The following MAP1B variants were observed in gnomAD, a reference collection of about 807,000 sequenced individuals.
The protein encoded by MAP1B is microtubule-associated protein 1B.
MAP1B carries 12 observed loss-of-function variants against 176.1 expected under a neutral mutation model. The ratio of observed to expected loss-of-function variants is 0.07; its 90% CI spans 0.04 to 0.11. MAP1B has a LOEUF of 0.11. MAP1B is among the 10% of genes least tolerant of loss of function. The probability of loss-of-function intolerance (pLI) is 1.00; values close to 1 mark genes in which losing one functional copy is unlikely to be tolerated. For synonymous variants in MAP1B, 1,044 were observed against 1,135.0 expected, an observed-to-expected ratio of 0.92 and a Z score of 1.61; for missense variants, 2,523 against 2,990.5, an observed-to-expected ratio of 0.84 and a Z score of 3.65.
chr5:72,173,031 C>T (rs1746576882), intron 2 of MAP1B, among the ~76,000 whole-genome samples: 1 of 152,206 alleles, frequency 6.6e-6, no homozygotes, highest in Non-Finnish European at 1.5e-5. Context: ...CCCAGTTCCG[C>T]TACTAACTAA....
intron 2 of MAP1B, chr5:72,116,508 T>C: frequency 2.6e-6 from 1 of 384,952 alleles, no homozygotes; most frequent in African/African-American, 2.1e-5. Context: ...CCAGCCACCT[T>C]CCTGGGGCTA....
chr5:72,115,839 A>G (rs774749615), intron 2 of MAP1B, 40 bp downstream of exon 2: 1 of 1,398,512 alleles, frequency 7.2e-7, no homozygotes. Context: ...TAGAATTCCA[A>G]AGGACAAGGA....
At chr5:72,175,894 C>T (rs1308547310) in intron 2 of MAP1B, among the ~76,000 whole-genome samples, 1 of 152,220 alleles carries the variant, frequency 6.6e-6, no homozygotes, top group Non-Finnish European at 1.5e-5. Context: ...TGTTGTCTAA[C>T]TCACAAGCAA....
At chr5:72,146,647 G>A (rs999595106) in intron 2 of MAP1B, among the ~76,000 whole-genome samples, 1 of 152,194 alleles carries the variant, frequency 6.6e-6, no homozygotes, top group Non-Finnish European at 1.5e-5. Flanking sequence ...CACACAGCCA[G>A]TGAGTAATGG....
At chr5:72,129,832 C>G (rs1745697551) in intron 2 of MAP1B, among the ~76,000 whole-genome samples, 1 of 152,174 alleles carries the variant, frequency 6.6e-6, no homozygotes, top group South Asian at 2.1e-4. Flanking sequence ...TTTAAAGAAG[C>G]ATTACATTAT....
chr5:72,131,371 G>A (rs1386494488), intron 2 of MAP1B, among the ~76,000 whole-genome samples: 1 of 151,776 alleles, frequency 6.6e-6, no homozygotes, highest in Non-Finnish European at 1.5e-5. Flanking sequence ...TACAGCATTA[G>A]CAATTCAGCC....
Position 72,206,755 on chromosome 5 carries a change from G to A in MAP1B, c.*1516G>A, listed in dbSNP as rs1477950762. ...TTGAATAATGTTTTTTGAAGTTCTG[G>A]CAAGATTGAAGTCTGATATTGCAGT... is the stretch of plus-strand genomic sequence containing the variant. On this transcript the variant is annotated 3_prime_UTR_variant, in exon 7 of 7. Coordinates refer to ENST00000296755, the MANE Select transcript of MAP1B (RefSeq NM_005909.5). 2 of 151,946 alleles carry A rather than the reference G, an allele frequency of 1.3e-5. No individual in the cohort carries two copies. Among genetic ancestry groups the A allele is most frequent in the Non-Finnish European group, 2.9e-5 (2 of 67,990 alleles). 9.4% of individuals were successfully genotyped at this position (151,946 alleles called of 1,614,324 possible). A position where few individuals can be genotyped will look rare whatever the true frequency, so the allele number is the denominator to read the frequency against.
chr5:72,114,345 G>T (rs947217959), intron 1 of MAP1B, among the ~76,000 whole-genome samples: 1 of 152,092 alleles, frequency 6.6e-6, no homozygotes, highest in African/African-American at 2.4e-5. Context: ...GTAACACACT[G>T]CTATTTATTC....
chr5:72,160,096 C>A (rs1442263060), intron 2 of MAP1B, among the ~76,000 whole-genome samples: 1 of 151,852 alleles, frequency 6.6e-6, no homozygotes, highest in East Asian at 1.9e-4. Context: ...ATCTTCTTCC[C>A]CTTTTTTTGT....
chr5:72,194,522 C>G lies in MAP1B; in HGVS notation c.1167C>G (p.Asn389Lys). 6.2e-7 allele frequency: 1 copy of G among 1,614,128 alleles called. No homozygotes were observed. The highest frequency in any genetic ancestry group is 8.5e-7 in the Non-Finnish European group (1 of 1,180,020). ...CCTGCTTCACTCTCCAGTACCTAAACAAATTGTCCATGAAACCAGAACCTC... is the reference window on the plus strand; with the variant it reads ...CCTGCTTCACTCTCCAGTACCTAAAGAAATTGTCCATGAAACCAGAACCTC... ...EEACFTLQYL[N>K]KLSMKPEPLF... The change falls in exon 5 of 7, where the codon AAC (asparagine) becomes AAG (lysine). Residue 389 changes from asparagine (N) to lysine (K), a missense_variant. Coordinates refer to ENST00000296755, the MANE Select transcript of MAP1B (RefSeq NM_005909.5). This position sits in a 1 kb window ranked among gnomAD's most constrained non-coding sequence, Gnocchi z 7.2.
chr5:72,182,891 G>T (rs981133287), intron 2 of MAP1B, among the ~76,000 whole-genome samples: 1 of 152,150 alleles, frequency 6.6e-6, no homozygotes, highest in African/African-American at 2.4e-5. Context: ...ACATCTGCCT[G>T]ATCATTTCAT....
chr5:72,121,443 A>G (rs1343404049), intron 2 of MAP1B, among the ~76,000 whole-genome samples: 1 of 152,256 alleles, frequency 6.6e-6, no homozygotes, highest in Non-Finnish European at 1.5e-5. Flanking sequence ...TGGATGGTGT[A>G]TATGGGCAGT....
At chr5:72,107,835 CCT>C (rs1745136733) in intron 1 of MAP1B, 120 bp downstream of exon 1, 3 of 997,604 alleles carry the variant, frequency 3.0e-6, no homozygotes, top group Middle Eastern at 3.1e-4. Context: ...CTCCTCGTCA[CCT>C]CTCATACTTG....
intron 2 of MAP1B, among the ~76,000 whole-genome samples, chr5:72,119,350 T>C (rs1284169450): frequency 6.6e-6 from 1 of 152,238 alleles, no homozygotes; most frequent in African/African-American, 2.4e-5. Flanking sequence ...TTTGCCTTGA[T>C]GTAAAGCCAT....
At chr5:72,153,335 A>G (rs1012540275) in intron 2 of MAP1B, among the ~76,000 whole-genome samples, 1 of 151,970 alleles carries the variant, frequency 6.6e-6, no homozygotes, top group South Asian at 2.1e-4. Context: ...TGGAAACTCT[A>G]CCTCACACAT....
In MAP1B at chr5:72,148,413, C is replaced by T. The variant is rs1212781593; in HGVS notation, c.286+32614C>T. Among the ~76,000 whole-genome samples, 8 of 152,212 alleles carry T rather than the reference C, an allele frequency of 5.3e-5. 1 individual carries two copies. Among genetic ancestry groups the T allele is most frequent in the African/African-American group, 1.4e-4 (6 of 41,446 alleles). On this transcript the variant is annotated intron_variant, in intron 2 of 6. Transcript: ENST00000296755. ...AGCATCTAGGAAATCAGCCACCTGT[C>T]CTTGATGTTACCCTGCCAGTTTTGA...
At chr5:72,138,343 C>A (rs1280964853) in intron 2 of MAP1B, among the ~76,000 whole-genome samples, 1 of 152,122 alleles carries the variant, frequency 6.6e-6, no homozygotes, top group African/African-American at 2.4e-5. Context: ...ATTTTTACCT[C>A]CAAGTTGCAA....
chr5:72,198,196 C>T lies in MAP1B; in HGVS notation c.4841C>T (p.Pro1614Leu). ...TEMSPSKEEC[P>L]RPMSISPPDF... ...ATGTCTCCATCTAAAGAAGAATGCC[C>T]AAGACCGATGTCAATTTCTCCACCA... The change falls in exon 5 of 7, where the codon CCA (proline) becomes CTA (leucine). Residue 1614 changes from proline (P) to leucine (L), a missense_variant. This residue lies in a region of MAP1B where 1,925 missense variants were observed against 2,126.0 expected (regional missense o/e 0.91). Coordinates refer to ENST00000296755, the MANE Select transcript of MAP1B (RefSeq NM_005909.5). 7 of 1,614,186 alleles carry T rather than the reference C, an allele frequency of 4.3e-6. No homozygotes were observed. The highest frequency in any genetic ancestry group is 5.9e-6 in the Non-Finnish European group (7 of 1,180,042).
Position 72,129,657 on chromosome 5 carries a change from G to A in MAP1B, c.286+13858G>A, listed in dbSNP as rs534223912. Among the ~76,000 whole-genome samples, 22 of 151,728 alleles carry A rather than the reference G, an allele frequency of 1.4e-4. No individual in the cohort carries two copies. In the East Asian group the frequency reaches 3.9e-3, roughly 27 times the overall value. Reference sequence around the variant, plus strand: ...GTTTTCTCTTTGGTATCCCTCACGCGTTTTCCCCTCTCCGCTGCAGTCACC... The same window carrying A: ...GTTTTCTCTTTGGTATCCCTCACGCATTTTCCCCTCTCCGCTGCAGTCACC... On this transcript the variant is annotated intron_variant, in intron 2 of 6. Transcript: ENST00000296755.
Sources: allele counts gnomAD v4.1 joint callset (sites outside exome capture counted in the v4.1 genomes callset), GRCh38; gene constraint gnomAD v4.1.1; regional missense constraint gnomAD v4.1.1; non-coding constraint Gnocchi (gnomAD v3.1); transcripts MANE v1.5; gene names NCBI Gene and HGNC (gene_info 2026-07-23, HGNC 2026-07-21).